Variants in XKR7 observed in about 807,000 individuals in gnomAD.
XKR7 encodes XK related 7.
Under a neutral mutation model 42.2 loss-of-function variants are expected in XKR7, and 11 were observed. The observed-to-expected ratio is 0.26, with a 90% confidence interval of 0.16 to 0.43. The LOEUF is 0.43. XKR7 is among the 20% of genes least tolerant of loss of function. XKR7 has a pLI of 1.00. For missense variants in XKR7, 710 were observed against 802.2 expected, an observed-to-expected ratio of 0.89 and a Z score of 1.39; for synonymous variants, 346 against 366.4, an observed-to-expected ratio of 0.94 and a Z score of 0.64.
chr20:31,982,852 C>T (rs536259086), intron 1 of XKR7, among the ~76,000 whole-genome samples: 5 of 152,310 alleles, frequency 3.3e-5, no homozygotes, highest in Admixed American at 1.3e-4. Context: ...TTCCTTCTTA[C>T]TGATGGGGCC....
Position 31,968,367 on chromosome 20 carries a change from G to T in XKR7, c.192G>T (p.Leu64=), listed in dbSNP as rs1205157409. ...LRDCCWVLCA[L]LVFFSDGATD... is the part of the protein sequence containing the mutation. Reference sequence around the variant, plus strand: ...ACTGCTGCTGGGTGCTGTGCGCGCTGCTCGTGTTCTTCTCCGACGGTGCCA... The same window carrying T: ...ACTGCTGCTGGGTGCTGTGCGCGCTTCTCGTGTTCTTCTCCGACGGTGCCA... Residue 64 remains leucine, a synonymous_variant, in exon 1 of 3, where the codon CTG becomes CTT. Transcript: ENST00000562532. This position sits in a 1 kb window ranked among gnomAD's most constrained non-coding sequence, Gnocchi z 4.5. 2 of 1,611,404 alleles carry T rather than the reference G, an allele frequency of 1.2e-6. No homozygotes were observed. Among genetic ancestry groups the T allele is most frequent in the Non-Finnish European group, 1.7e-6 (2 of 1,179,514 alleles).
chr20:31,995,988 A>G lies in XKR7; in HGVS notation c.788-517A>G, dbSNP rs80038717. On this transcript the variant is annotated intron_variant, in intron 2 of 2. Transcript: ENST00000562532. This position sits in a 1 kb window ranked among gnomAD's most constrained non-coding sequence, Gnocchi z 4.1. ...ACCCCTTGCCCAGTTACGGGGTCCCAATCACAACGCTTCCCACCTTGGGTC... is the reference window on the plus strand; with the variant it reads ...ACCCCTTGCCCAGTTACGGGGTCCCGATCACAACGCTTCCCACCTTGGGTC... 0.012 allele frequency among the ~76,000 whole-genome samples: 1,761 copies of G among 151,938 alleles called. 33 individuals carry two copies. Among genetic ancestry groups the G allele is most frequent in the African/African-American group, 0.04 (1,657 of 41,412 alleles).
At position 31,995,435 on chromosome 20, in the gene XKR7, C is replaced by T. The variant is rs2064587142; in HGVS notation, c.787+165C>T. On this transcript the variant is annotated intron_variant, in intron 2 of 2. Transcript: ENST00000562532. This position sits in a 1 kb window ranked among gnomAD's most constrained non-coding sequence, Gnocchi z 4.1. ...CCTTCTACCCTCACCACCCTCCAGGCCTCTCGAGACCCCCGCGTCCCCTTC... is the reference window on the plus strand; with the variant it reads ...CCTTCTACCCTCACCACCCTCCAGGTCTCTCGAGACCCCCGCGTCCCCTTC... Among the ~76,000 whole-genome samples, 1 of 152,030 alleles carries T rather than the reference C, an allele frequency of 6.6e-6. No homozygotes were observed.
rs1319528882 is a variant in XKR7 at position 31,997,600 on chromosome 20, T to G, written c.*143T>G. 6 of 810,186 alleles carry G rather than the reference T, an allele frequency of 7.4e-6. No individual in the cohort carries two copies. The Admixed American group carries it at 1.8e-4, about 24-fold the overall frequency. The allele number at this position is 810,186 out of a possible 1,614,324, so 50.2% of individuals were successfully genotyped here. A position where few individuals can be genotyped will look rare whatever the true frequency, so the allele number is the denominator to read the frequency against. On this transcript the variant is annotated 3_prime_UTR_variant, in exon 3 of 3. Coordinates refer to ENST00000562532, the MANE Select transcript of XKR7 (RefSeq NM_001011718.2). The stretch of plus-strand genomic sequence containing the variant: ...TAGAGTGGCCCCACTCTTGGGTTCT[T>G]TCAGGGGAGGGGGCAGCCTTGCGGA...
At chr20:31,971,689 T>C (rs2064466482) in intron 1 of XKR7, among the ~76,000 whole-genome samples, 1 of 152,222 alleles carries the variant, frequency 6.6e-6, no homozygotes, top group Non-Finnish European at 1.5e-5. Flanking sequence ...TCCCATTTCC[T>C]CAATTCTGAA....
At chr20:31,983,338 A>G (rs1298339745) in intron 1 of XKR7, among the ~76,000 whole-genome samples, 1 of 152,222 alleles carries the variant, frequency 6.6e-6, no homozygotes. Flanking sequence ...TGTTACTTAA[A>G]AAAACAGGGT....
At chr20:31,984,269 A>C (rs1470729845) in intron 1 of XKR7, among the ~76,000 whole-genome samples, 1 of 151,740 alleles carries the variant, frequency 6.6e-6, no homozygotes, top group Non-Finnish European at 1.5e-5. Flanking sequence ...TTCAAAAAAA[A>C]AAACAAGTAG....
At chr20:31,979,249 C>T (rs1401239460) in intron 1 of XKR7, among the ~76,000 whole-genome samples, 1 of 151,224 alleles carries the variant, frequency 6.6e-6, no homozygotes, top group Non-Finnish European at 1.5e-5. Context: ...AGGTTTCACT[C>T]TGCCACCCAG....
At chr20:31,993,601 AT>A (rs1341353232) in intron 1 of XKR7, among the ~76,000 whole-genome samples, 1 of 152,096 alleles carries the variant, frequency 6.6e-6, no homozygotes, top group African/African-American at 2.4e-5. Flanking sequence ...GCCCATATAG[AT>A]TAAGCACACT....
At chr20:31,994,660 C>G (rs544960399) in intron 1 of XKR7, among the ~76,000 whole-genome samples, 1 of 152,156 alleles carries the variant, frequency 6.6e-6, no homozygotes, top group African/African-American at 2.4e-5. Flanking sequence ...GAGCTAAGAT[C>G]GCACCACTGC....
At chr20:31,989,135 C>T (rs1021343864) in intron 1 of XKR7, among the ~76,000 whole-genome samples, 9 of 152,076 alleles carry the variant, frequency 5.9e-5, no homozygotes, top group South Asian at 4.1e-4. Flanking sequence ...AGTGAGTTGG[C>T]AAGGGTGGCC....
rs1442890226 is a variant in XKR7, at chr20:31,999,300, A to G, written c.*1843A>G. 6.6e-6 allele frequency: 1 copy of G among 151,970 alleles called. No homozygotes were observed. The highest frequency in any genetic ancestry group is 1.5e-5 in the Non-Finnish European group (1 of 67,984). The allele number at this position is 151,970 out of a possible 1,614,324, so 9.4% of individuals were successfully genotyped here. A position where few individuals can be genotyped will look rare whatever the true frequency, so the allele number is the denominator to read the frequency against. On this transcript the variant is annotated 3_prime_UTR_variant, in exon 3 of 3. Transcript: ENST00000562532. ...ATCAAAAGGTGATGGGTAATGATGA[A>G]TTGCTGGGGATGCAGGGTAACCCCA...
intron 1 of XKR7, among the ~76,000 whole-genome samples, chr20:31,986,981 C>T (rs912451026): frequency 6.9e-6 from 1 of 145,870 alleles, no homozygotes; most frequent in Non-Finnish European, 1.5e-5. Context: ...ACAGACAGAC[C>T]GCTAAACAGA....
At chr20:31,989,604 G>A (rs914321578) in intron 1 of XKR7, among the ~76,000 whole-genome samples, 6 of 152,108 alleles carry the variant, frequency 3.9e-5, no homozygotes. Context: ...AGGAGACATG[G>A]ACAGACTGGG....
At chr20:31,990,230 T>C (rs2064564273) in intron 1 of XKR7, among the ~76,000 whole-genome samples, 1 of 151,042 alleles carries the variant, frequency 6.6e-6, no homozygotes, top group Admixed American at 6.6e-5. Flanking sequence ...AGGGACTCAC[T>C]GTGTTGCCCA....
Position 31,968,710 on chromosome 20 carries a change from T to C in XKR7, c.535T>C (p.Trp179Arg). ...CCGCCGCTGCTGCCGCCTCTGCATCTGGCTGCTGCAGACCCTCGTCCACCT... is the reference window on the plus strand; with the variant it reads ...CCGCCGCTGCTGCCGCCTCTGCATCCGGCTGCTGCAGACCCTCGTCCACCT... ...YRRRCCRLCI[W>R]LLQTLVHLLQ... Residue 179 changes from tryptophan (W) to arginine (R), a missense_variant, in exon 1 of 3, where the codon TGG (tryptophan) becomes CGG (arginine). By Grantham distance (101) the Trp-to-Arg change is moderately radical. Transcript: ENST00000562532. The surrounding 1 kb of genome is among the most constrained non-coding windows in gnomAD (Gnocchi z 4.5). 3 of 1,565,190 alleles carry C rather than the reference T, an allele frequency of 1.9e-6. No individual in the cohort carries two copies. Among genetic ancestry groups the C allele is most frequent in the Non-Finnish European group, 2.6e-6 (3 of 1,163,656 alleles).
At position 31,997,664 on chromosome 20, in the gene XKR7, A is replaced by G. The variant is rs1037909231; in HGVS notation, c.*207A>G. Reference sequence around the variant, plus strand: ...GGCCCCGTTTTCAGCCTTGTGGCCCATTCCCTAAATTCCCCTGACCCAGGG... The same window carrying G: ...GGCCCCGTTTTCAGCCTTGTGGCCCGTTCCCTAAATTCCCCTGACCCAGGG... On this transcript the variant is annotated 3_prime_UTR_variant, in exon 3 of 3. Coordinates refer to ENST00000562532, the MANE Select transcript of XKR7 (RefSeq NM_001011718.2). 1.8e-6 allele frequency: 1 copy of G among 564,618 alleles called. No homozygotes were observed. Among genetic ancestry groups the G allele is most frequent in the Non-Finnish European group, 3.1e-6 (1 of 321,728 alleles). The allele number at this position is 564,618 out of a possible 1,614,324, so 35.0% of individuals were successfully genotyped here. A position where few individuals can be genotyped will look rare whatever the true frequency, so the allele number is the denominator to read the frequency against.
intron 1 of XKR7, among the ~76,000 whole-genome samples, chr20:31,986,057 G>C (rs1271664496): frequency 6.7e-5 from 9 of 133,792 alleles, no homozygotes; most frequent in African/African-American, 2.6e-4. Context: ...CAGCATCCAA[G>C]ACACAGACAG....
Position 31,997,805 on chromosome 20 carries a change from A to G in XKR7, c.*348A>G, listed in dbSNP as rs750576157. The G allele has an allele frequency of 1.7e-5, 5 of 290,944 alleles. No individual in the cohort carries two copies. The highest frequency in any genetic ancestry group is 1.5e-4 in the Admixed American group (3 of 20,684). The allele number at this position is 290,944 out of a possible 1,614,324, so 18.0% of individuals were successfully genotyped here. ...TGCCCCTGCTGGACTTGCCAGAGAA[A>G]GGGCACTGTCTGGGGTCCATGACCT... is the stretch of plus-strand genomic sequence containing the variant. On this transcript the variant is annotated 3_prime_UTR_variant, in exon 3 of 3. Coordinates refer to ENST00000562532, the MANE Select transcript of XKR7 (RefSeq NM_001011718.2).
Sources: gnomAD v4.1 joint callset for allele counts (sites outside exome capture counted in the v4.1 genomes callset) on GRCh38, gnomAD v4.1.1 for gene constraint, Gnocchi (gnomAD v3.1) non-coding constraint, MANE v1.5 for transcripts, NCBI Gene and HGNC (gene_info 2026-07-23, HGNC 2026-07-21) for gene names.